BCKDHA: variants seen among roughly 807,000 people sequenced by gnomAD.
BCKDHA encodes 2-oxoisovalerate dehydrogenase subunit alpha, mitochondrial.
BCKDHA carries 43 observed loss-of-function variants against 52.2 expected under a neutral mutation model. That is an observed-to-expected ratio of 0.82 (90% CI 0.64 to 1.06). The LOEUF (loss-of-function observed/expected upper bound fraction) is 1.06. Ranked by LOEUF, BCKDHA falls within the 50% of genes least tolerant of loss-of-function variation. The pLI, the probability that BCKDHA is intolerant of heterozygous loss-of-function variation, is 0.00. For missense variants in BCKDHA, 527 were observed against 621.3 expected, an observed-to-expected ratio of 0.85 and a Z score of 1.61; for synonymous variants, 234 against 247.9, an observed-to-expected ratio of 0.94 and a Z score of 0.53.
intron 1 of BCKDHA, among the ~76,000 whole-genome samples, chr19:41,400,557 A>C (rs2039127715): frequency 6.7e-6 from 1 of 149,028 alleles, no homozygotes; most frequent in African/African-American, 2.5e-5. Flanking sequence ...GCTAATTTTT[A>C]AATCTTTGTA....
At chr19:41,423,631 A>G (rs779713645) in intron 8 of BCKDHA, among the ~76,000 whole-genome samples, 8 of 152,214 alleles carry the variant, frequency 5.3e-5, no homozygotes, top group Non-Finnish European at 8.8e-5. Context: ...CGGGAGTTTG[A>G]GACCAGCCTG....
At chr19:41,403,210 C>G (rs964156847) in intron 1 of BCKDHA, among the ~76,000 whole-genome samples, 3 of 152,182 alleles carry the variant, frequency 2.0e-5, no homozygotes, top group African/African-American at 7.2e-5. Context: ...ACTCTTTGCT[C>G]TGTTTGAGGG....
Position 41,424,743 on chromosome 19 carries a change from G to C in BCKDHA, c.*135G>C. 2.0e-6 allele frequency: 2 copies of C among 1,009,960 alleles called. No individual in the cohort carries two copies. The allele number at this position is 1,009,960 out of a possible 1,614,324, so 62.6% of individuals were successfully genotyped here. ...CTCTAAAATACTCAGCGGCCAGGGC[G>C]GCTGCCACTCTTCACCCCTGCTCCT... On this transcript the variant is annotated 3_prime_UTR_variant, in exon 9 of 9. Transcript: ENST00000269980.
In BCKDHA at chr19:41,411,005, G is replaced by A. The variant is rs752700457; in HGVS notation, c.371G>A (p.Arg124Gln). 7.4e-6 allele frequency: 12 copies of A among 1,613,908 alleles called. No homozygotes were observed. Among genetic ancestry groups the A allele is most frequent in the South Asian group, 1.1e-5 (1 of 91,078 alleles). The change falls in exon 3 of 9, where the codon CGG becomes CAG. Residue 124 changes from arginine to glutamine, a missense_variant. Arg to Gln is a conservative substitution (Grantham distance 43). Transcript: ENST00000269980. ...TMDRILYESQ[R>Q]QGRISFYMTN... Reference sequence around the variant, plus strand: ...GACCGCATCCTCTATGAGTCTCAGCGGCAGGTGCGTGGGGACAGGACTAGG... The same window carrying A: ...GACCGCATCCTCTATGAGTCTCAGCAGCAGGTGCGTGGGGACAGGACTAGG...
chr19:41,398,390 G>A (rs1001870109), intron 1 of BCKDHA, among the ~76,000 whole-genome samples: 2 of 152,190 alleles, frequency 1.3e-5, no homozygotes, highest in Non-Finnish European at 2.9e-5. Flanking sequence ...GCTGCATAGG[G>A]CCTTGTATTT....
intron 5 of BCKDHA, among the ~76,000 whole-genome samples, chr19:41,421,527 A>AG (rs1196175145): frequency 1.3e-5 from 2 of 149,500 alleles, no homozygotes; most frequent in Admixed American, 6.6e-5. Flanking sequence ...AGGAGCCCAG[A>AG]GGGGCAGGTG....
rs532803527 is a variant in BCKDHA at position 41,410,927 on chromosome 19, C to T, written c.293C>T (p.Pro98Leu). The change falls in exon 3 of 9, where the codon CCG becomes CTG. Residue 98 changes from proline to leucine, a missense_variant. Coordinates refer to ENST00000269980, the MANE Select transcript of BCKDHA (RefSeq NM_000709.4). ...IINPSEDPHL[P>L]KEKVLKLYKS... ...TATCTGTGCCTCCACCCGCAGCTGC[C>T]GAAGGAGAAGGTGCTGAAGCTCTAC... The T allele has an allele frequency of 6.9e-5, 111 of 1,614,086 alleles. No individual in the cohort carries two copies. The South Asian group carries it at 9.7e-4, about 14-fold the overall frequency.
At position 41,423,182 on chromosome 19, in the gene BCKDHA, C is replaced by T. The variant is rs78994114; in HGVS notation, c.1167+13C>T. 3.9e-5 allele frequency: 61 copies of T among 1,550,868 alleles called. No homozygotes were observed. In the East Asian group the frequency reaches 5.6e-4, roughly 14 times the overall value. On this transcript the variant is annotated intron_variant, in intron 8 of 8. Coordinates refer to ENST00000269980, the MANE Select transcript of BCKDHA (RefSeq NM_000709.4). ...GTCCCGCAGGAAGGTGAGGGTGCCC[C>T]GCCCGGGAGGGTGTGCTGGGGGCTG...
rs60715253 is a variant in BCKDHA, at chr19:41,420,918, T to C, written c.647-1246T>C. 5.4e-3 allele frequency among the ~76,000 whole-genome samples: 823 copies of C among 152,332 alleles called. 12 individuals carry two copies. Among genetic ancestry groups the C allele is most frequent in the African/African-American group, 0.019 (791 of 41,574 alleles). The stretch of plus-strand genomic sequence containing the variant: ...GGCCTGTAGCCTGATCTAGGGTTGG[T>C]CTGGGCCCTGGCTTCTTTGCCCTAG... On this transcript the variant is annotated intron_variant, in intron 5 of 8. Transcript: ENST00000269980.
At chr19:41,419,403 C>T in intron 5 of BCKDHA, 107 bp downstream of exon 5, 3 of 1,365,224 alleles carry the variant, frequency 2.2e-6, no homozygotes, top group Non-Finnish European at 3.0e-6. Flanking sequence ...GGGTTGGTGA[C>T]ACCACTAGAG....
At chr19:41,398,073 G>A (rs1219017006) in intron 1 of BCKDHA, 138 bp downstream of exon 1, 3 of 695,728 alleles carry the variant, frequency 4.3e-6, no homozygotes, top group Non-Finnish European at 7.1e-6. Flanking sequence ...CCTTGGAGAA[G>A]ACACCGAAGG....
intron 5 of BCKDHA, among the ~76,000 whole-genome samples, chr19:41,420,980 CT>C (rs1801870680): frequency 6.6e-6 from 1 of 152,222 alleles, no homozygotes; most frequent in Admixed American, 6.5e-5. Context: ...CTCTCCAGGC[CT>C]CAGCACTGTG....
At position 41,422,174 on chromosome 19, in the gene BCKDHA, G is replaced by A. The variant is rs770514966; in HGVS notation, c.657G>A (p.Ala219=). 1.5e-5 allele frequency: 25 copies of A among 1,613,426 alleles called. No homozygotes were observed. Among genetic ancestry groups the A allele is most frequent in the East Asian group, 4.5e-5 (2 of 44,884 alleles). ...TCTCATCCCCTGCAGCGGTGGGGGC[G>A]GCGTACGCAGCCAAGCGGGCCAATG... ...LATQIPQAVG[A]AYAAKRANAN... The change falls in exon 6 of 9, where the codon GCG becomes GCA. Residue 219 remains alanine, a synonymous_variant. Transcript: ENST00000269980.
At chr19:41,417,808 C>G (rs2039321313) in intron 4 of BCKDHA, among the ~76,000 whole-genome samples, 1 of 151,966 alleles carries the variant, frequency 6.6e-6, no homozygotes, top group Non-Finnish European at 1.5e-5. Context: ...GCCTGTAATC[C>G]CAGCTACTCA....
chr19:41,402,844 T>G (rs905701447), intron 1 of BCKDHA, among the ~76,000 whole-genome samples: 2 of 152,208 alleles, frequency 1.3e-5, no homozygotes, highest in Non-Finnish European at 1.5e-5. Context: ...TTTTGCCATG[T>G]TGGCCAGGCT....
chr19:41,422,421 T>G, intron 6 of BCKDHA, 51 bp downstream of exon 6: 1 of 1,606,298 alleles, frequency 6.2e-7, no homozygotes, highest in South Asian at 1.1e-5. Context: ...TCTCCTTCCC[T>G]CCCCAATCCT....
chr19:41,398,794 T>C (rs1687777102), intron 1 of BCKDHA, among the ~76,000 whole-genome samples: 1 of 150,978 alleles, frequency 6.6e-6, no homozygotes, highest in Non-Finnish European at 1.5e-5. Flanking sequence ...CATGGGTGGA[T>C]GCATGTCCTT....
chr19:41,407,550 G>A (rs1258024512), intron 1 of BCKDHA, among the ~76,000 whole-genome samples: 3 of 152,182 alleles, frequency 2.0e-5, no homozygotes, highest in South Asian at 4.1e-4. Context: ...GCAAGAGGCC[G>A]GCTGTTTCCT....
intron 1 of BCKDHA, among the ~76,000 whole-genome samples, chr19:41,403,900 A>G (rs1198856029): frequency 6.6e-6 from 1 of 152,232 alleles, no homozygotes; most frequent in Non-Finnish European, 1.5e-5. Flanking sequence ...GGTAACCACT[A>G]TACATCCTGC....
Sources: gnomAD v4.1 joint callset for allele counts (sites outside exome capture counted in the v4.1 genomes callset) on GRCh38, gnomAD v4.1.1 for gene constraint, MANE v1.5 for transcripts, NCBI Gene and HGNC (gene_info 2026-07-23, HGNC 2026-07-21) for gene names.